PFAS: variants seen among roughly 807,000 people sequenced by gnomAD.
The protein encoded by PFAS is FGAM synthase.
In PFAS, 97 loss-of-function variants were observed where a neutral mutation model predicts 140.6. The observed-to-expected ratio is 0.69, with a 90% confidence interval of 0.59 to 0.82. PFAS has a LOEUF of 0.82. Among genes scored for constraint, PFAS ranks in the 40% least tolerant of loss-of-function variants. The pLI is 0.00. For synonymous variants in PFAS, 679 were observed against 718.8 expected, an observed-to-expected ratio of 0.94 and a Z score of 0.88; for missense variants, 1,656 against 1,780.2, an observed-to-expected ratio of 0.93 and a Z score of 1.26.
rs1366924512 is a variant in PFAS at position 8,258,096 on chromosome 17, G to C, written c.1233G>C (p.Gln411His). Residue 411 changes from glutamine to histidine, a missense_variant, in exon 11 of 28, where the codon CAG (glutamine) becomes CAC (histidine). Gln to His is a conservative substitution (Grantham distance 24, BLOSUM62 0). Around this residue, in one of 2 missense-constraint regions of PFAS, gnomAD observed 773 missense variants for 757.3 expected, o/e 1.02. Transcript: ENST00000314666. ...GCTTCGCCCGCTCCTTGGGCCTCCA[G>C]CTCCCAGACGGCCAGCGGCGTGAGT... is the stretch of plus-strand genomic sequence containing the variant. ...LAGFARSLGL[Q>H]LPDGQRREWI... is the part of the protein sequence containing the mutation. The C allele has an allele frequency of 2.5e-6, 4 of 1,614,122 alleles. No individual in the cohort carries two copies. The South Asian group carries it at 4.4e-5, about 18-fold the overall frequency.
Position 8,267,818 on chromosome 17 carries a change from G to C in PFAS, c.3382+153G>C, listed in dbSNP as rs1234399964. 6.7e-6 allele frequency among the ~76,000 whole-genome samples: 1 copy of C among 149,468 alleles called. No individual in the cohort carries two copies. The highest frequency in any genetic ancestry group is 1.5e-5 in the Non-Finnish European group (1 of 67,660). On this transcript the variant is annotated intron_variant, in intron 26 of 27. Coordinates refer to ENST00000314666, the MANE Select transcript of PFAS (RefSeq NM_012393.3). The surrounding 1 kb of genome is among the most constrained non-coding windows in gnomAD (Gnocchi z 4.9). ...CTGGGCCACATGCCAACAGAAGGCT[G>C]GTAGTAAATTTTTAATTTTTTCATT...
chr17:8,267,955 A>G lies in PFAS; in HGVS notation c.3382+290A>G, dbSNP rs1194115955. Among the ~76,000 whole-genome samples the G allele has an allele frequency of 1.4e-5, 2 of 144,610 alleles. No individual in the cohort carries two copies. The highest frequency in any genetic ancestry group is 3.0e-5 in the Non-Finnish European group (2 of 66,022). 94.9% of individuals were successfully genotyped at this position (144,610 alleles called of 152,430 possible). On this transcript the variant is annotated intron_variant, in intron 26 of 27. Transcript: ENST00000314666. The surrounding 1 kb of genome is among the most constrained non-coding windows in gnomAD (Gnocchi z 4.9). Reference sequence around the variant, plus strand: ...AAATGTATATTATTTATATATTATTAAAATATATATTATTTATATATATTA... The same window carrying G: ...AAATGTATATTATTTATATATTATTGAAATATATATTATTTATATATATTA...
chr17:8,247,711 G>T, upstream of PFAS: 1 of 400,038 alleles, frequency 2.5e-6, no homozygotes, highest in Non-Finnish European at 4.6e-6. Flanking sequence ...GTCTTCTCCA[G>T]GAACCCACAG....
chr17:8,266,262 C>T lies in PFAS; in HGVS notation c.2730C>T (p.Val910=). 1 of 1,614,042 alleles carries T rather than the reference C, an allele frequency of 6.2e-7. No homozygotes were observed. Reference sequence around the variant, plus strand: ...GCCTCCTCTGCTCAGGCCACGATGTCAGTGACGGAGGCCTCGTCACATGCC... The same window carrying T: ...GCCTCCTCTGCTCAGGCCACGATGTTAGTGACGGAGGCCTCGTCACATGCC... ...KDRLLCSGHD[V]SDGGLVTCLL... The change falls in exon 22 of 28, where the codon GTC becomes GTT. Residue 910 remains valine, a synonymous_variant. Transcript: ENST00000314666. This position sits in a 1 kb window ranked among gnomAD's most constrained non-coding sequence, Gnocchi z 5.0.
intron 26 of PFAS, among the ~76,000 whole-genome samples, chr17:8,268,086 A>G (rs182530239): frequency 7.0e-6 from 1 of 143,412 alleles, no homozygotes; most frequent in Non-Finnish European, 1.5e-5. Flanking sequence ...TTTGAGACGG[A>G]GTTTCACCCT....
chr17:8,268,676 G>A lies in PFAS; in HGVS notation c.3526G>A (p.Glu1176Lys), dbSNP rs1989923909. 6.2e-7 allele frequency: 1 copy of A among 1,613,692 alleles called. No individual in the cohort carries two copies. The highest frequency in any genetic ancestry group is 8.5e-7 in the Non-Finnish European group (1 of 1,180,010). ...CGGCTGGGTGGGAGGCGACCCCAATGAGGATGCTGCAGAGATGGGCCCTGA... is the reference window on the plus strand; with the variant it reads ...CGGCTGGGTGGGAGGCGACCCCAATAAGGATGCTGCAGAGATGGGCCCTGA... ...LLGWVGGDPN[E>K]DAAEMGPDSQ... is the part of the protein sequence containing the mutation. The change falls in exon 27 of 28, where the codon GAG becomes AAG. Residue 1176 changes from glutamate to lysine, a missense_variant. Glu to Lys is a moderately conservative substitution (Grantham distance 56). Around this residue, in one of 2 missense-constraint regions of PFAS, gnomAD observed 883 missense variants for 1,023.0 expected, o/e 0.86. Coordinates refer to ENST00000314666, the MANE Select transcript of PFAS (RefSeq NM_012393.3).
At chr17:8,263,668 C>T (rs1430354775) in intron 14 of PFAS, 32 bp downstream of exon 14, 5 of 1,608,608 alleles carry the variant, frequency 3.1e-6, no homozygotes, top group Non-Finnish European at 2.6e-6. Context: ...GTGACATTTT[C>T]CCACCCCTGC....
In PFAS at chr17:8,269,492, A is replaced by T. The variant is rs1470083589; in HGVS notation, c.*228A>T. On this transcript the variant is annotated 3_prime_UTR_variant, in exon 28 of 28. Transcript: ENST00000314666. ...AACATGGCATGCCCTTTCTCAGCCC[A>T]GGAAACAGCATGTGGTTCAGAGAAA... is the stretch of plus-strand genomic sequence containing the variant. The T allele has an allele frequency of 9.6e-6, 5 of 520,628 alleles. No homozygotes were observed. Among genetic ancestry groups the T allele is most frequent in the Non-Finnish European group, 1.4e-5 (4 of 293,202 alleles). The allele number at this position is 520,628 out of a possible 1,614,324, so 32.3% of individuals were successfully genotyped here. A position where few individuals can be genotyped will look rare whatever the true frequency, so the allele number is the denominator to read the frequency against.
intron 4 of PFAS, 69 bp downstream of exon 4, chr17:8,255,201 A>G: frequency 8.4e-7 from 1 of 1,186,254 alleles, no homozygotes; most frequent in Non-Finnish European, 1.2e-6. Flanking sequence ...AGCTCTAGAG[A>G]GAAGCAGGGA....
At position 8,259,011 on chromosome 17, in the gene PFAS, A is replaced by T. The variant is rs191912719; in HGVS notation, c.1336+812A>T. Reference sequence around the variant, plus strand: ...AAAAAAAAAAAAAAAAAAATTACCCAGGCGTCATGGTGCATGCCTATAGTC... The same window carrying T: ...AAAAAAAAAAAAAAAAAAATTACCCTGGCGTCATGGTGCATGCCTATAGTC... On this transcript the variant is annotated intron_variant, in intron 11 of 27. Coordinates refer to ENST00000314666, the MANE Select transcript of PFAS (RefSeq NM_012393.3). Among the ~76,000 whole-genome samples, 10 of 150,014 alleles carry T rather than the reference A, an allele frequency of 6.7e-5. No homozygotes were observed. In the East Asian group the frequency reaches 2.0e-3, roughly 30 times the overall value.
Position 8,257,887 on chromosome 17 carries a change from A to C in PFAS, c.1156A>C (p.Ser386Arg). The change falls in exon 10 of 28, where the codon AGT becomes CGT. Residue 386 changes from serine (S) to arginine (R), a missense_variant. Physicochemically the swap from Ser to Arg is moderately radical, Grantham distance 110. Transcript: ENST00000314666. Reference sequence around the variant, plus strand: ...GCCCCTGGAGGTTGCCATTGAAGCCAGTAATGGAGCTTCTGACTATGGCAA... The same window carrying C: ...GCCCCTGGAGGTTGCCATTGAAGCCCGTAATGGAGCTTCTGACTATGGCAA... ...ARPLEVAIEASNGASDYGNKF... is the reference protein window; with the variant it reads ...ARPLEVAIEARNGASDYGNKF... The C allele has an allele frequency of 1.2e-6, 2 of 1,614,158 alleles. No individual in the cohort carries two copies. The highest frequency in any genetic ancestry group is 1.7e-6 in the Non-Finnish European group (2 of 1,180,004).
rs1989961133 is a variant in PFAS, at chr17:8,269,908, C to T, written c.*644C>T. 6.7e-6 allele frequency: 1 copy of T among 148,498 alleles called. No homozygotes were observed. Among genetic ancestry groups the T allele is most frequent in the Non-Finnish European group, 1.5e-5 (1 of 67,480 alleles). 9.2% of individuals were successfully genotyped at this position (148,498 alleles called of 1,614,324 possible). A position where few individuals can be genotyped will look rare whatever the true frequency, so the allele number is the denominator to read the frequency against. ...TTTTTTTTTTTTTTTGAGGCAGTCT[C>T]ACTCTGTCACCCAGGCTGGAGTACA... is the stretch of plus-strand genomic sequence containing the variant. On this transcript the variant is annotated 3_prime_UTR_variant, in exon 28 of 28. Coordinates refer to ENST00000314666, the MANE Select transcript of PFAS (RefSeq NM_012393.3).
chr17:8,265,738 G>T, intron 20 of PFAS, 99 bp downstream of exon 20: 1 of 1,351,802 alleles, frequency 7.4e-7, no homozygotes, highest in Non-Finnish European at 1.1e-6. Context: ...ACTGGGCTGT[G>T]GTGTTTTCTG....
In PFAS at chr17:8,267,198, C is replaced by A. The variant is rs765335620; in HGVS notation, c.3138C>A (p.Pro1046=). The A allele has an allele frequency of 6.2e-7, 1 of 1,606,272 alleles. No individual in the cohort carries two copies. Among genetic ancestry groups the A allele is most frequent in the Non-Finnish European group, 8.5e-7 (1 of 1,176,992 alleles). ...RERMGPSYCL[P]PTFPKASVPR... is the part of the protein sequence containing the mutation. ...GGATGGGGCCCAGCTATTGCCTGCC[C>A]CCCACCTTTCCCAAAGCCTCCGTGC... is the stretch of plus-strand genomic sequence containing the variant. Residue 1046 remains proline (P), a synonymous_variant, in exon 24 of 28, where the codon CCC becomes CCA. Coordinates refer to ENST00000314666, the MANE Select transcript of PFAS (RefSeq NM_012393.3). The surrounding 1 kb of genome is among the most constrained non-coding windows in gnomAD (Gnocchi z 4.9).
rs1380902809 is a variant in PFAS, at chr17:8,255,102, T to C, written c.354T>C (p.Arg118=). The C allele has an allele frequency of 1.2e-6, 2 of 1,613,344 alleles. No homozygotes were observed. The highest frequency in any genetic ancestry group is 1.7e-6 in the Non-Finnish European group (2 of 1,179,738). The change falls in exon 4 of 28, where the codon CGT becomes CGC. Residue 118 remains arginine (R), a synonymous_variant. Coordinates refer to ENST00000314666, the MANE Select transcript of PFAS (RefSeq NM_012393.3). ...CRATGLGPVD[R]VETTRRYRLS... ...CCACTGGGCTGGGGCCTGTGGATCGTGTGGAGACCACCCGGCGCTACCGGC... is the reference window on the plus strand; with the variant it reads ...CCACTGGGCTGGGGCCTGTGGATCGCGTGGAGACCACCCGGCGCTACCGGC...
intron 10 of PFAS, 49 bp from the exon 11 acceptor site, chr17:8,258,022 G>T: frequency 2.5e-6 from 4 of 1,612,912 alleles, no homozygotes; most frequent in Non-Finnish European, 3.4e-6. Flanking sequence ...GCTATTGGGC[G>T]AGCACTGGGG....
chr17:8,250,417 A>T (rs1989107088), intron 1 of PFAS, among the ~76,000 whole-genome samples: 1 of 152,172 alleles, frequency 6.6e-6, no homozygotes, highest in South Asian at 2.1e-4. Flanking sequence ...TGAAGAGATG[A>T]GAGATTTGAG....
chr17:8,259,993 CG>C (rs1989526727), intron 11 of PFAS, among the ~76,000 whole-genome samples: 1 of 151,662 alleles, frequency 6.6e-6, no homozygotes. Flanking sequence ...CCCAGCTACT[CG>C]GGAGGCTGAG....
Position 8,253,981 on chromosome 17 carries a change from A to AG in PFAS, c.49dup (p.Ala17GlyfsTer23). The AG allele has an allele frequency of 6.2e-7, 1 of 1,614,026 alleles. No homozygotes were observed. The highest frequency in any genetic ancestry group is 8.5e-7 in the Non-Finnish European group (1 of 1,179,978). On this transcript the variant is annotated frameshift_variant, in exon 2 of 28. Transcript: ENST00000314666. LOFTEE classifies it high-confidence loss of function. Reference sequence around the variant, plus strand: ...TTCTATGTTCGTCCCTCTGGCCATGAGGGGGCAGCCCCTGGACACACTCGG... The same window carrying AG: ...TTCTATGTTCGTCCCTCTGGCCATGAGGGGGGCAGCCCCTGGACACACTCGG...
Sources: gnomAD v4.1 joint callset for allele counts (sites outside exome capture counted in the v4.1 genomes callset) on GRCh38, gnomAD v4.1.1 for gene constraint, gnomAD v4.1.1 regional missense constraint, Gnocchi (gnomAD v3.1) non-coding constraint, MANE v1.5 for transcripts, NCBI Gene and HGNC (gene_info 2026-07-23, HGNC 2026-07-21) for gene names.